Variants in PDE1A observed in about 807,000 individuals in gnomAD.
PDE1A encodes the protein dual specificity calcium/calmodulin-dependent 3',5'-cyclic nucleotide phosphodiesterase 1A.
Under a neutral mutation model 61.7 loss-of-function variants are expected in PDE1A, and 35 were observed. That is an observed-to-expected ratio of 0.57 (90% confidence interval 0.43 to 0.75). The LOEUF (loss-of-function observed/expected upper bound fraction) is 0.75. Among genes scored for constraint, PDE1A ranks in the 30% least tolerant of loss-of-function variants. PDE1A has a pLI of 0.00. For synonymous variants in PDE1A, 232 were observed against 213.2 expected (o/e 1.09, Z -0.77); for missense variants, 597 against 630.6 (o/e 0.95, Z 0.57).
chr2:182,155,585 AACTATAATAAGCCCC>A (rs1357351574), intron 13 of PDE1A, among the ~76,000 whole-genome samples: 2 of 152,092 alleles, frequency 1.3e-5, no homozygotes, highest in African/African-American at 4.8e-5. Flanking sequence ...TCTCACCTTG[AACTATAATAAGCCCC>A]ACATGTCAGC....
chr2:182,597,323 A>C, the PDE1A span, among the ~76,000 whole-genome samples: 3 of 152,162 alleles, frequency 2.0e-5, no homozygotes, highest in African/African-American at 4.8e-5. Flanking sequence ...TAGGTATATG[A>C]CTTATTCTGG....
At chr2:182,187,737 C>CT (rs1038970569) in intron 11 of PDE1A, among the ~76,000 whole-genome samples, 5,414 of 66,486 alleles carry the variant, frequency 0.081, 601 homozygotes, top group African/African-American at 0.17. Flanking sequence ...TTTTTTTGTT[C>CT]TTTTTTTTTT....
chr2:182,460,728 A>G (rs1686228334), intron 2 of PDE1A, among the ~76,000 whole-genome samples: 1 of 152,234 alleles, frequency 6.6e-6, no homozygotes, highest in Admixed American at 6.5e-5. Flanking sequence ...GTATTTGAAC[A>G]AAAGGAATAA....
chr2:182,562,091 G>A, the PDE1A span, among the ~76,000 whole-genome samples: 108,715 of 148,644 alleles, frequency 0.73, 42,471 homozygotes, highest in East Asian at 0.99. Context: ...TTCCAACACT[G>A]TGTTGAATAG....
intron 1 of PDE1A, among the ~76,000 whole-genome samples, chr2:182,347,624 G>A (rs1408734844): frequency 1.3e-5 from 2 of 152,026 alleles, no homozygotes; most frequent in Non-Finnish European, 2.9e-5. Flanking sequence ...ACTCTCCAAT[G>A]CATATCAATT....
rs1259482121 is a variant in PDE1A at position 182,364,474 on chromosome 2, A to AAAAAAAAAC, written c.53+62103_53+62104insGTTTTTTTT. ...ATATTAGAACACTTTGGTAAAAAAA[A>AAAAAAAAAC]AAAAAAAAAAAAAAAAAAAAAAAAA... On this transcript the variant is annotated intron_variant, in intron 1 of 13. Transcript: ENST00000351439. Among the ~76,000 whole-genome samples, 10 of 126,674 alleles carry AAAAAAAAAC rather than the reference A, an allele frequency of 7.9e-5. 1 individual carries two copies. Among genetic ancestry groups the AAAAAAAAAC allele is most frequent in the Admixed American group, 2.3e-4 (3 of 12,900 alleles). The allele number at this position is 126,674 out of a possible 152,430, so 83.1% of individuals were successfully genotyped here. A position where few individuals can be genotyped will look rare whatever the true frequency, so the allele number is the denominator to read the frequency against.
At chr2:182,266,376 T>C (rs769952008) in intron 1 of PDE1A, among the ~76,000 whole-genome samples, 22 of 152,100 alleles carry the variant, frequency 1.4e-4, no homozygotes, top group African/African-American at 3.6e-4. Context: ...CCCAAGAACA[T>C]TATTCTTAGT....
At chr2:182,273,500 T>C (rs1693184185) in intron 1 of PDE1A, among the ~76,000 whole-genome samples, 1 of 151,696 alleles carries the variant, frequency 6.6e-6, no homozygotes, top group Non-Finnish European at 1.5e-5. Context: ...TTTTGTCACA[T>C]ATATCATGCT....
intron 1 of PDE1A, among the ~76,000 whole-genome samples, chr2:182,358,320 T>C (rs1699311770): frequency 6.6e-6 from 1 of 152,124 alleles, no homozygotes; most frequent in South Asian, 2.1e-4. Flanking sequence ...TAAATTTACC[T>C]TGTGTTTTAT....
intron 10 of PDE1A, among the ~76,000 whole-genome samples, chr2:182,192,919 T>C (rs1252992855): frequency 6.6e-6 from 1 of 152,080 alleles, no homozygotes; most frequent in African/African-American, 2.4e-5. Flanking sequence ...AACAGCACCT[T>C]TTTGTTGTTG....
chr2:182,352,708 G>T (rs1180688794), intron 1 of PDE1A, among the ~76,000 whole-genome samples: 1 of 147,146 alleles, frequency 6.8e-6, no homozygotes, highest in Non-Finnish European at 1.5e-5. Context: ...CTGCCCATTT[G>T]CTAGCTGGAC....
intron 1 of PDE1A, among the ~76,000 whole-genome samples, chr2:182,351,761 C>G (rs1314222206): frequency 6.6e-6 from 1 of 152,122 alleles, no homozygotes. Context: ...TTCTGTTGTG[C>G]AGACAAACTT....
intron 1 of PDE1A, among the ~76,000 whole-genome samples, chr2:182,404,113 T>C (rs754923863): frequency 3.9e-5 from 6 of 152,086 alleles, no homozygotes; most frequent in Non-Finnish European, 1.5e-5. Context: ...TCCTGGTAAA[T>C]ATGAAATAAG....
intron 6 of PDE1A, among the ~76,000 whole-genome samples, chr2:182,226,406 T>A (rs1241055266): frequency 6.7e-6 from 1 of 149,802 alleles, no homozygotes. Flanking sequence ...ATTTCTGCAC[T>A]ATGGACTATA....
intron 6 of PDE1A, among the ~76,000 whole-genome samples, chr2:182,225,712 C>T (rs1203144096): frequency 7.2e-6 from 1 of 139,250 alleles, no homozygotes; most frequent in African/African-American, 3.4e-5. Flanking sequence ...CATGTCTTGT[C>T]ATATGGTAAA....
chr2:182,247,780 GCC>G (rs1326112945), intron 2 of PDE1A, among the ~76,000 whole-genome samples: 6 of 152,154 alleles, frequency 3.9e-5, no homozygotes, highest in African/African-American at 1.2e-4. Flanking sequence ...ATAAGATTAT[GCC>G]ACATGTAAAA....
chr2:182,629,613 A>G, the PDE1A span, among the ~76,000 whole-genome samples: 3 of 152,160 alleles, frequency 2.0e-5, no homozygotes, highest in South Asian at 6.2e-4. Flanking sequence ...TTTCTAACAC[A>G]CAGTCTTTTT....
chr2:182,471,674 T>G (rs1687037677), intron 2 of PDE1A, among the ~76,000 whole-genome samples: 1 of 151,804 alleles, frequency 6.6e-6, no homozygotes, highest in African/African-American at 2.4e-5. Context: ...AAAAGTTTCT[T>G]GAATAGGAAT....
chr2:182,578,345 T>G, the PDE1A span, among the ~76,000 whole-genome samples: 1 of 152,208 alleles, frequency 6.6e-6, no homozygotes, highest in Non-Finnish European at 1.5e-5. Context: ...GCTTATCATC[T>G]GAGTTTCTTA....
Sources: gnomAD v4.1 joint callset for allele counts (sites outside exome capture counted in the v4.1 genomes callset) on GRCh38, gnomAD v4.1.1 for gene constraint, MANE v1.5 for transcripts, NCBI Gene and HGNC (gene_info 2026-07-23, HGNC 2026-07-21) for gene names.